Variants in LPAR1 observed in about 807,000 individuals in gnomAD.
LPAR1 encodes the protein LPA receptor 1.
LPAR1 carries 5 observed loss-of-function variants against 23.8 expected under a neutral mutation model. That is an observed-to-expected ratio of 0.21 (90% CI 0.11 to 0.44). The LOEUF (loss-of-function observed/expected upper bound fraction) is 0.44, where lower values mean the gene tolerates loss of function less well. LPAR1 is among the 20% of genes least tolerant of loss of function. The pLI, the probability that LPAR1 is intolerant of heterozygous loss-of-function variation, is 0.99. For synonymous variants in LPAR1, 160 were observed against 164.7 expected, an observed-to-expected ratio of 0.97 and a Z score of 0.22; for missense variants, 311 against 482.8, an observed-to-expected ratio of 0.64 and a Z score of 3.33.
intron 5 of LPAR1, among the ~76,000 whole-genome samples, chr9:110,906,369 G>A (rs2091219818): frequency 1.3e-5 from 2 of 152,216 alleles, no homozygotes; most frequent in South Asian, 4.2e-4. Flanking sequence ...CACTGGTGAT[G>A]TTTTTAAAAA....
intron 5 of LPAR1, among the ~76,000 whole-genome samples, chr9:110,915,822 ACT>A: frequency 6.6e-6 from 1 of 152,260 alleles, no homozygotes; most frequent in Non-Finnish European, 1.5e-5. Flanking sequence ...AAAACGAAAC[ACT>A]GACTACCCTG....
intron 2 of LPAR1, among the ~76,000 whole-genome samples, chr9:111,025,331 G>A (rs2097669076): frequency 4.6e-5 from 7 of 152,128 alleles, no homozygotes; most frequent in Admixed American, 4.6e-4. Flanking sequence ...AAGTCTGTTG[G>A]CTGCATAAAT....
chr9:110,974,136 G>A (rs946498593), intron 2 of LPAR1, among the ~76,000 whole-genome samples: 1 of 148,728 alleles, frequency 6.7e-6, no homozygotes, highest in African/African-American at 2.5e-5. Flanking sequence ...TCCAGCCTGG[G>A]CAACAGAGCA....
At chr9:110,906,505 A>G (rs1310600599) in intron 5 of LPAR1, among the ~76,000 whole-genome samples, 1 of 152,188 alleles carries the variant, frequency 6.6e-6, no homozygotes, top group Non-Finnish European at 1.5e-5. Context: ...ATTTTTTAGT[A>G]CCAACCCAAC....
chr9:110,965,946 TA>T (rs1416143281), intron 4 of LPAR1, among the ~76,000 whole-genome samples: 1 of 152,132 alleles, frequency 6.6e-6, no homozygotes, highest in African/African-American at 2.4e-5. Context: ...TATGCAGCCA[TA>T]AAAAAGAATA....
intron 2 of LPAR1, among the ~76,000 whole-genome samples, chr9:111,025,015 T>C (rs1047423240): frequency 1.3e-5 from 2 of 152,340 alleles, no homozygotes; most frequent in Admixed American, 6.5e-5. Context: ...AACATACGTG[T>C]GCATGTGTCT....
chr9:110,939,892 T>C (rs892209243), intron 5 of LPAR1, among the ~76,000 whole-genome samples: 1 of 152,178 alleles, frequency 6.6e-6, no homozygotes, highest in Non-Finnish European at 1.5e-5. Context: ...TTTGAGTCAA[T>C]ACAGGAAAAA....
chr9:110,959,459 T>TAA (rs377311485), intron 4 of LPAR1, among the ~76,000 whole-genome samples: 2 of 150,272 alleles, frequency 1.3e-5, no homozygotes, highest in African/African-American at 4.9e-5. Flanking sequence ...CTACCAAAAA[T>TAA]AAAAAAAAAT....
chr9:110,957,204 CA>C (rs71494807), intron 4 of LPAR1, among the ~76,000 whole-genome samples: 17 of 143,470 alleles, frequency 1.2e-4, no homozygotes, highest in Admixed American at 2.1e-4. Flanking sequence ...GCCATCTCTA[CA>C]AAAAAAAAAG....
At chr9:110,974,468 C>G (rs1450525174) in intron 2 of LPAR1, among the ~76,000 whole-genome samples, 1 of 152,144 alleles carries the variant, frequency 6.6e-6, no homozygotes, top group Admixed American at 6.5e-5. Flanking sequence ...AAGAAATAAT[C>G]TAGGTTTGAC....
intron 2 of LPAR1, among the ~76,000 whole-genome samples, chr9:110,997,046 A>C (rs1419360830): frequency 6.6e-6 from 1 of 152,224 alleles, no homozygotes; most frequent in Non-Finnish European, 1.5e-5. Flanking sequence ...AAAATGAACC[A>C]GATTTTTCCT....
Position 110,989,681 on chromosome 9 carries a change from T to C in LPAR1, c.-181-16123A>G, listed in dbSNP as rs186728857. On this transcript the variant is annotated intron_variant, in intron 2 of 5. Coordinates refer to ENST00000683809, the MANE Select transcript of LPAR1 (RefSeq NM_001351411.2). ...CATAAAGTATACCAAATCCAAAAAA[T>C]AGAACAAATGTGACAATAGACAAAA... 2.3e-3 allele frequency among the ~76,000 whole-genome samples: 342 copies of C among 151,980 alleles called. 1 individual carries two copies. The highest frequency in any genetic ancestry group is 3.7e-3 in the Non-Finnish European group (251 of 67,924).
intron 4 of LPAR1, among the ~76,000 whole-genome samples, chr9:110,944,382 ATAAAT>A (rs2095298677): frequency 6.6e-6 from 1 of 152,226 alleles, no homozygotes; most frequent in Non-Finnish European, 1.5e-5. Flanking sequence ...GATTTCCTTA[ATAAAT>A]TAAAGATATT....
intron 4 of LPAR1, among the ~76,000 whole-genome samples, chr9:110,945,813 T>C (rs1336386762): frequency 6.6e-6 from 1 of 152,132 alleles, no homozygotes; most frequent in Non-Finnish European, 1.5e-5. Flanking sequence ...CTTCAAAAGC[T>C]AGTAATGACT....
At chr9:111,029,013 C>T (rs749037233) in intron 2 of LPAR1, among the ~76,000 whole-genome samples, 16 of 152,164 alleles carry the variant, frequency 1.1e-4, no homozygotes, top group Non-Finnish European at 1.5e-4. Context: ...CTCCCCAGGA[C>T]CACCTATCAA....
intron 4 of LPAR1, among the ~76,000 whole-genome samples, chr9:110,944,811 A>G (rs922514322): frequency 6.6e-6 from 1 of 152,206 alleles, no homozygotes; most frequent in South Asian, 2.1e-4. Context: ...AAAACCATAC[A>G]TATTTAATGA....
At chr9:110,885,150 T>C (rs1395478958) in intron 5 of LPAR1, among the ~76,000 whole-genome samples, 1 of 152,222 alleles carries the variant, frequency 6.6e-6, no homozygotes, top group Non-Finnish European at 1.5e-5. Context: ...CAGTGTCTTC[T>C]TGAATTTGTG....
chr9:111,023,348 G>A (rs1320263365), intron 2 of LPAR1, among the ~76,000 whole-genome samples: 1 of 152,064 alleles, frequency 6.6e-6, no homozygotes, highest in East Asian at 1.9e-4. Context: ...ACACACCCCT[G>A]CTCAGTCCTT....
intron 5 of LPAR1, among the ~76,000 whole-genome samples, chr9:110,925,983 C>A (rs564339107): frequency 2.0e-5 from 3 of 152,026 alleles, no homozygotes; most frequent in Non-Finnish European, 2.9e-5. Context: ...TGCAGTGGTG[C>A]GATCTCGGCT....
Sources: allele counts gnomAD v4.1 joint callset (sites outside exome capture counted in the v4.1 genomes callset), GRCh38; gene constraint gnomAD v4.1.1; transcripts MANE v1.5; gene names NCBI Gene and HGNC (gene_info 2026-07-23, HGNC 2026-07-21).